The following PHF14 variants were observed in gnomAD, a reference collection of about 807,000 sequenced individuals.
The protein encoded by PHF14 is PHD finger protein 14.
PHF14 carries 55 observed loss-of-function variants against 117.9 expected under a neutral mutation model. That is an observed-to-expected ratio of 0.47 (90% CI 0.38 to 0.58). PHF14 has a LOEUF of 0.58. PHF14 is among the 20% of genes least tolerant of loss of function. The probability of loss-of-function intolerance (pLI) is 0.00; values close to 1 mark genes in which losing one functional copy is unlikely to be tolerated. For missense variants in PHF14, 978 were observed against 1,122.2 expected (o/e 0.87, Z 1.84); for synonymous variants, 409 against 368.6 (o/e 1.11, Z -1.26).
chr7:11,063,443 A>G, intron 16 of PHF14: 1 of 975,428 alleles, frequency 1.0e-6, no homozygotes, highest in Non-Finnish European at 1.2e-6. Flanking sequence ...ACAATCTTAT[A>G]TAATGAACAA....
intron 16 of PHF14, among the ~76,000 whole-genome samples, chr7:11,070,049 TA>T (rs1439709281): frequency 6.6e-6 from 1 of 151,496 alleles, no homozygotes; most frequent in Non-Finnish European, 1.5e-5. Context: ...ATGTTTTTGA[TA>T]ATAAATTCAG....
At chr7:11,116,417 TATACGTATTC>T (rs1787605245) in intron 17 of PHF14, among the ~76,000 whole-genome samples, 1 of 152,054 alleles carries the variant, frequency 6.6e-6, no homozygotes, top group African/African-American at 2.4e-5. Flanking sequence ...TGGATGTAGG[TATACGTATTC>T]ATACACAGCC....
chr7:11,106,451 G>A (rs1787269245), intron 16 of PHF14: 1 of 944,346 alleles, frequency 1.1e-6, no homozygotes, highest in Non-Finnish European at 1.3e-6. Flanking sequence ...TAGGTAATTT[G>A]CACTAAAATT....
At chr7:11,127,647 TAAA>T (rs997539892) in intron 17 of PHF14, among the ~76,000 whole-genome samples, 2 of 152,160 alleles carry the variant, frequency 1.3e-5, no homozygotes, top group Admixed American at 6.6e-5. Flanking sequence ...GGACTTCCTT[TAAA>T]GTACCTCTTC....
chr7:11,169,443 A>G lies in PHF14; in HGVS notation c.2800A>G (p.Asn934Asp). The change falls in exon 18 of 18, where the codon AAT becomes GAT. Residue 934 changes from asparagine (N) to aspartate (D), a missense_variant. Physicochemically the swap from Asn to Asp is conservative, Grantham distance 23. Coordinates refer to ENST00000634607, the MANE Select transcript of PHF14 (RefSeq NM_001007157.2). ...KEDENEAERKNISQELNMEQK... is the reference protein window; with the variant it reads ...KEDENEAERKDISQELNMEQK... ...AGATGAAAATGAAGCTGAAAGAAAAAATATATCTCAGGAGCTCAACATGGA... is the reference window on the plus strand; with the variant it reads ...AGATGAAAATGAAGCTGAAAGAAAAGATATATCTCAGGAGCTCAACATGGA... The G allele has an allele frequency of 6.6e-7, 1 of 1,505,228 alleles. No individual in the cohort carries two copies. Among genetic ancestry groups the G allele is most frequent in the Non-Finnish European group, 9.0e-7 (1 of 1,108,466 alleles). 93.2% of individuals were successfully genotyped at this position (1,505,228 alleles called of 1,614,324 possible). A position where few individuals can be genotyped will look rare whatever the true frequency, so the allele number is the denominator to read the frequency against.
intron 16 of PHF14, among the ~76,000 whole-genome samples, chr7:11,081,652 C>T (rs538406263): frequency 5.3e-5 from 8 of 150,444 alleles, no homozygotes; most frequent in Non-Finnish European, 1.0e-4. Flanking sequence ...GTCAGGAGAT[C>T]GAGACCATCC....
chr7:10,993,614 TTGG>T (rs900786517), intron 4 of PHF14, among the ~76,000 whole-genome samples: 2 of 152,192 alleles, frequency 1.3e-5, no homozygotes, highest in African/African-American at 4.8e-5. Context: ...TATCTCTTAG[TTGG>T]TGGCCCAGAT....
intron 17 of PHF14, among the ~76,000 whole-genome samples, chr7:11,151,564 ATAAAT>A (rs1024645213): frequency 6.6e-6 from 1 of 152,116 alleles, no homozygotes; most frequent in African/African-American, 2.4e-5. Context: ...CTCAAAATAA[ATAAAT>A]TTATAACTTC....
rs563905055 is a variant in PHF14, at chr7:11,053,089, A to T, written c.2481+1309A>T. On this transcript the variant is annotated intron_variant, in intron 14 of 17. Transcript: ENST00000634607. ...TCCTTTCCACAAGGGAGATACAAAGATATTTTTAGGGTTAGTTGTCATCAT... is the reference window on the plus strand; with the variant it reads ...TCCTTTCCACAAGGGAGATACAAAGTTATTTTTAGGGTTAGTTGTCATCAT... Among the ~76,000 whole-genome samples the T allele has an allele frequency of 9.9e-5, 15 of 152,198 alleles. No individual in the cohort carries two copies. The South Asian group carries it at 2.7e-3, about 27-fold the overall frequency.
intron 16 of PHF14, among the ~76,000 whole-genome samples, chr7:11,076,493 G>T (rs144909210): frequency 1.4e-4 from 21 of 151,006 alleles, no homozygotes; most frequent in African/African-American, 4.6e-4. Flanking sequence ...ATTTTATTTT[G>T]AATGAAGACC....
chr7:11,001,904 G>A (rs1336814539), intron 4 of PHF14, among the ~76,000 whole-genome samples: 1 of 152,118 alleles, frequency 6.6e-6, no homozygotes, highest in Admixed American at 6.5e-5. Flanking sequence ...TACTGACAGA[G>A]AACATCCTTG....
chr7:11,078,153 C>T (rs937895492), intron 16 of PHF14, among the ~76,000 whole-genome samples: 5 of 152,012 alleles, frequency 3.3e-5, no homozygotes, highest in Non-Finnish European at 7.4e-5. Flanking sequence ...CTTATTTATC[C>T]TTATTCACTT....
At chr7:11,123,917 CA>C (rs891259886) in intron 17 of PHF14, among the ~76,000 whole-genome samples, 107 of 129,120 alleles carry the variant, frequency 8.3e-4, no homozygotes, top group African/African-American at 1.3e-3. Context: ...GACTCCATCT[CA>C]AAAAAAAAAA....
chr7:11,005,212 CAA>C (rs1300247273), intron 4 of PHF14, among the ~76,000 whole-genome samples: 4 of 152,090 alleles, frequency 2.6e-5, no homozygotes, highest in Non-Finnish European at 5.9e-5. Context: ...GCATCCTTGT[CAA>C]AGTCACTGAT....
intron 7 of PHF14, among the ~76,000 whole-genome samples, chr7:11,030,201 G>C (rs1037954673): frequency 2.8e-4 from 43 of 151,512 alleles, no homozygotes; most frequent in African/African-American, 9.9e-4. Context: ...AGGTAGTCTG[G>C]ATTCCTCATA....
chr7:11,036,568 C>G lies in PHF14; in HGVS notation c.1753C>G (p.Leu585Val), dbSNP rs1562432760. 14 of 1,613,878 alleles carry G rather than the reference C, an allele frequency of 8.7e-6. No homozygotes were observed. The highest frequency in any genetic ancestry group is 1.2e-5 in the Non-Finnish European group (14 of 1,179,848). ...TCGTAAACTTATGCGGAAAGCAGAA[C>G]TCATGGGGATCAGTACAGATATCTT... ...AIRKLMRKAE[L>V]MGISTDIFPV... The change falls in exon 9 of 18, where the codon CTC (leucine) becomes GTC (valine). Residue 585 changes from leucine (L) to valine (V), a missense_variant. By Grantham distance (32) the Leu-to-Val change is conservative (BLOSUM62 1). Coordinates refer to ENST00000634607, the MANE Select transcript of PHF14 (RefSeq NM_001007157.2).
At chr7:11,104,355 A>G in intron 16 of PHF14, 1 of 968,660 alleles carries the variant, frequency 1.0e-6, no homozygotes, top group Non-Finnish European at 1.2e-6. Flanking sequence ...AAGTAAGAAA[A>G]CTTGAAGTAA....
chr7:11,149,748 T>G (rs1788653635), intron 17 of PHF14, among the ~76,000 whole-genome samples: 1 of 152,138 alleles, frequency 6.6e-6, no homozygotes, highest in Admixed American at 6.6e-5. Flanking sequence ...TACTGATGAT[T>G]TTCCTCATGA....
intron 16 of PHF14, among the ~76,000 whole-genome samples, chr7:11,091,842 T>A (rs1417910734): frequency 6.6e-6 from 1 of 152,166 alleles, no homozygotes; most frequent in Non-Finnish European, 1.5e-5. Context: ...CTTTACCCCT[T>A]AAGTATTCAA....
Sources: allele counts gnomAD v4.1 joint callset (sites outside exome capture counted in the v4.1 genomes callset), GRCh38; gene constraint gnomAD v4.1.1; transcripts MANE v1.5; gene names NCBI Gene and HGNC (gene_info 2026-07-23, HGNC 2026-07-21).